The following PTPRD variants were observed in gnomAD, a reference collection of about 807,000 sequenced individuals.
The protein encoded by PTPRD is protein tyrosine phosphatase receptor type D.
A neutral mutation model predicts 214.5 loss-of-function variants in PTPRD; 34 were observed. The observed-to-expected ratio is 0.16, with a 90% CI of 0.12 to 0.21. The LOEUF is 0.21. Ranked by LOEUF, PTPRD falls within the 10% of genes least tolerant of loss-of-function variation. The pLI is 1.00. For missense variants in PTPRD, 2,545 were observed against 2,398.7 expected, an observed-to-expected ratio of 1.06 and a Z score of -1.27; for synonymous variants, 1,128 against 845.7, an observed-to-expected ratio of 1.33 and a Z score of -5.79.
intron 9 of PTPRD, among the ~76,000 whole-genome samples, chr9:9,262,456 A>G (rs1418722016): frequency 2.0e-5 from 3 of 151,374 alleles, no homozygotes; most frequent in African/African-American, 7.3e-5. Flanking sequence ...GTATATCTCA[A>G]TTTGGACCAG....
At chr9:9,269,249 G>A (rs1362376387) in intron 9 of PTPRD, among the ~76,000 whole-genome samples, 1 of 151,382 alleles carries the variant, frequency 6.6e-6, no homozygotes, top group Non-Finnish European at 1.5e-5. Flanking sequence ...ATAGGCATAT[G>A]AGACAGTGCT....
At chr9:10,406,059 T>C (rs2098351948) in intron 2 of PTPRD, among the ~76,000 whole-genome samples, 1 of 151,368 alleles carries the variant, frequency 6.6e-6, no homozygotes, top group Middle Eastern at 4.0e-3. Context: ...TTCTTGGAAA[T>C]AGAAGATATA....
In PTPRD at chr9:8,671,852, T is replaced by C. The variant is rs192010575; in HGVS notation, c.65-35008A>G. 2.0e-4 allele frequency among the ~76,000 whole-genome samples: 31 copies of C among 152,318 alleles called. No homozygotes were observed. The East Asian group carries it at 5.8e-3, about 28-fold the overall frequency. ...AGGACCCTATTTTTATACTTTGCAC[T>C]ATTTGTCCTGAATCCTTTGAAAACT... On this transcript the variant is annotated intron_variant, in intron 12 of 45. Coordinates refer to ENST00000381196, the MANE Select transcript of PTPRD (RefSeq NM_002839.4).
chr9:9,793,223 A>G (rs1473234394), intron 5 of PTPRD, among the ~76,000 whole-genome samples: 3 of 152,160 alleles, frequency 2.0e-5, no homozygotes, highest in East Asian at 1.9e-4. Context: ...ATAGATGCCA[A>G]TTGAATGGAA....
At chr9:8,517,324 T>C (rs1295986453) in intron 21 of PTPRD, among the ~76,000 whole-genome samples, 2 of 152,282 alleles carry the variant, frequency 1.3e-5, no homozygotes, top group East Asian at 3.9e-4. Context: ...GGTAACTGTC[T>C]CTCTTTATCC....
chr9:9,388,508 G>C (rs10116547), intron 9 of PTPRD, among the ~76,000 whole-genome samples: 40,008 of 152,050 alleles, frequency 0.26, 5,400 homozygotes, highest in Middle Eastern at 0.32. Context: ...GACTGTCCAA[G>C]TAAACTAAGA....
At chr9:9,763,964 G>C (rs1311404646) in intron 6 of PTPRD, among the ~76,000 whole-genome samples, 2 of 151,820 alleles carry the variant, frequency 1.3e-5, no homozygotes, top group African/African-American at 4.8e-5. Flanking sequence ...AAATATATGA[G>C]GTGTCAACCC....
intron 35 of PTPRD, among the ~76,000 whole-genome samples, chr9:8,407,666 C>A (rs1022431387): frequency 5.3e-5 from 8 of 152,168 alleles, no homozygotes; most frequent in African/African-American, 1.9e-4. Context: ...GGGGCAATTA[C>A]ATAAGAAATC....
intron 13 of PTPRD, among the ~76,000 whole-genome samples, chr9:8,634,082 T>C (rs2096349268): frequency 1.3e-5 from 2 of 152,022 alleles, no homozygotes; most frequent in South Asian, 4.1e-4. Flanking sequence ...TCTGCATTTT[T>C]AGAGCATTCT....
chr9:9,459,016 A>C (rs953806240), intron 8 of PTPRD, among the ~76,000 whole-genome samples: 1 of 152,048 alleles, frequency 6.6e-6, no homozygotes, highest in African/African-American at 2.4e-5. Context: ...TCATGCTTTA[A>C]ATGGAAAACT....
At chr9:9,827,706 C>G (rs1404781864) in intron 5 of PTPRD, among the ~76,000 whole-genome samples, 1 of 152,054 alleles carries the variant, frequency 6.6e-6, no homozygotes, top group Non-Finnish European at 1.5e-5. Context: ...AAACTATCAT[C>G]AGAATGAACA....
At position 9,203,570 on chromosome 9, in the gene PTPRD, C is replaced by T. The variant is rs73641259; in HGVS notation, c.-202-20207G>A. Among the ~76,000 whole-genome samples the T allele has an allele frequency of 2.3e-3, 349 of 152,196 alleles. 3 individuals are homozygous for T. The highest frequency in any genetic ancestry group is 8.0e-3 in the African/African-American group (333 of 41,538). ...TTCTATCAGTCCCACTGTTACAGTT[C>T]GGGTTCTTATTGCATCTTTTCAGGA... On this transcript the variant is annotated intron_variant, in intron 9 of 45. Transcript: ENST00000381196.
intron 3 of PTPRD, among the ~76,000 whole-genome samples, chr9:10,273,429 A>G (rs2094523753): frequency 6.6e-6 from 1 of 152,152 alleles, no homozygotes; most frequent in Non-Finnish European, 1.5e-5. Context: ...GTGGCCAACT[A>G]CATTAGATAT....
chr9:8,491,478 TGACATATTTATAA>T (rs2097148222), intron 27 of PTPRD, among the ~76,000 whole-genome samples: 1 of 152,122 alleles, frequency 6.6e-6, no homozygotes, highest in African/African-American at 2.4e-5. Flanking sequence ...AGAGTTATTA[TGACATATTTATAA>T]GTGTAGGTAA....
chr9:10,266,715 G>A (rs1222702526), intron 3 of PTPRD, among the ~76,000 whole-genome samples: 1 of 151,920 alleles, frequency 6.6e-6, no homozygotes, highest in African/African-American at 2.4e-5. Context: ...GGAAAAGCGA[G>A]AATAGCACTG....
rs180725557 is a variant in PTPRD, at chr9:10,353,328, A to G, written c.-599-12311T>C. 4.6e-5 allele frequency among the ~76,000 whole-genome samples: 7 copies of G among 152,138 alleles called. 1 individual carries two copies. The East Asian group carries it at 1.3e-3, about 29-fold the overall frequency. On this transcript the variant is annotated intron_variant, in intron 2 of 45. Transcript: ENST00000381196. ...GTCCTAGGATAAGAATGGAACCACT[A>G]AGGACAAAATCTAATGCTTTTCCTT... is the stretch of plus-strand genomic sequence containing the variant.
chr9:10,337,024 G>A (rs979347922), intron 3 of PTPRD, among the ~76,000 whole-genome samples: 10 of 151,564 alleles, frequency 6.6e-5, no homozygotes, highest in Non-Finnish European at 1.3e-4. Flanking sequence ...GTTAGTTTGC[G>A]ACTGCAGCAA....
At chr9:9,913,516 G>A (rs2079812678) in intron 5 of PTPRD, among the ~76,000 whole-genome samples, 2 of 152,132 alleles carry the variant, frequency 1.3e-5, no homozygotes, top group Non-Finnish European at 2.9e-5. Context: ...TTGGACTGGA[G>A]TGTCGAAGGG....
intron 10 of PTPRD, among the ~76,000 whole-genome samples, chr9:9,072,043 C>G (rs1388332211): frequency 6.6e-6 from 1 of 152,054 alleles, no homozygotes; most frequent in African/African-American, 2.4e-5. Flanking sequence ...GTGATTGTTT[C>G]CTCAGGCAGT....
Sources: allele counts gnomAD v4.1 joint callset (sites outside exome capture counted in the v4.1 genomes callset), GRCh38; gene constraint gnomAD v4.1.1; transcripts MANE v1.5; gene names NCBI Gene and HGNC (gene_info 2026-07-23, HGNC 2026-07-21).